ZNF680: variants seen among roughly 807,000 people sequenced by gnomAD.
ZNF680 encodes hypothetical protein FLJ90430.
Under a neutral mutation model 12.1 loss-of-function variants are expected in ZNF680, and 6 were observed. The observed-to-expected ratio is 0.49, with a 90% CI of 0.27 to 0.98. The LOEUF is 0.98. Among genes scored for constraint, ZNF680 ranks in the 50% least tolerant of loss-of-function variants. The pLI is 0.12. For missense variants in ZNF680, 561 were observed against 616.3 expected, an observed-to-expected ratio of 0.91 and a Z score of 0.95; for synonymous variants, 170 against 199.3, an observed-to-expected ratio of 0.85 and a Z score of 1.24.
chr7:64,508,500 T>G, the ZNF680 span, among the ~76,000 whole-genome samples: 3 of 152,300 alleles, frequency 2.0e-5, no homozygotes, highest in Admixed American at 2.0e-4. Context: ...AAATGAGAGC[T>G]AATAAATTTC....
At chr7:64,507,401 G>A in the ZNF680 span, among the ~76,000 whole-genome samples, 101 of 150,368 alleles carry the variant, frequency 6.7e-4, no homozygotes, top group African/African-American at 2.3e-3. Context: ...AATATATTGT[G>A]TATAGTAAAC....
At chr7:64,517,278 T>A (rs138667442), downstream of ZNF680, among the ~76,000 whole-genome samples, 4,673 of 151,986 alleles carry the variant, frequency 0.031, 360 homozygotes, top group East Asian at 0.33. Flanking sequence ...ACAACTGACA[T>A]CACAGAAATA....
chr7:64,560,594 C>G (rs1787679384), intron 1 of ZNF680, among the ~76,000 whole-genome samples: 1 of 152,054 alleles, frequency 6.6e-6, no homozygotes, highest in Admixed American at 6.5e-5. Context: ...GGTGGATCAC[C>G]TGAGATCAAG....
intron 1 of ZNF680, among the ~76,000 whole-genome samples, 195 bp downstream of exon 1, chr7:64,562,730 G>A (rs549629915): frequency 2.0e-5 from 3 of 152,366 alleles, no homozygotes; most frequent in Admixed American, 6.5e-5. Context: ...GAGGAGACAT[G>A]ACGCCCGGGG....
At chr7:64,538,756 T>C (rs1200708510) in intron 3 of ZNF680, among the ~76,000 whole-genome samples, 1 of 152,186 alleles carries the variant, frequency 6.6e-6, no homozygotes, top group Non-Finnish European at 1.5e-5. Context: ...CAATCCCACT[T>C]ATGGATCTAC....
intron 1 of ZNF680, among the ~76,000 whole-genome samples, chr7:64,557,956 CCA>C (rs1016352210): frequency 3.3e-5 from 5 of 152,286 alleles, no homozygotes; most frequent in African/African-American, 1.2e-4. Context: ...AACCCCTATG[CCA>C]CAATTTTGCT....
chr7:64,516,106 A>G (rs2116335506), downstream of ZNF680, among the ~76,000 whole-genome samples: 1 of 152,118 alleles, frequency 6.6e-6, no homozygotes, highest in South Asian at 2.1e-4. Context: ...ATAACCCTGA[A>G]CCCCAGCCTC....
At chr7:64,551,730 G>C (rs965456590) in intron 1 of ZNF680, 1 of 154,202 alleles carries the variant, frequency 6.5e-6, no homozygotes, top group Middle Eastern at 7.8e-4. Flanking sequence ...AATGGCTTCT[G>C]AAACAGACAC....
At chr7:64,555,765 A>C (rs1285449032) in intron 1 of ZNF680, among the ~76,000 whole-genome samples, 5 of 150,252 alleles carry the variant, frequency 3.3e-5, no homozygotes, top group African/African-American at 4.9e-5. Flanking sequence ...AAGATAAACC[A>C]CTAGCTACAA....
chr7:64,499,924 G>A, the ZNF680 span, among the ~76,000 whole-genome samples: 1 of 152,124 alleles, frequency 6.6e-6, no homozygotes, highest in African/African-American at 2.4e-5. Context: ...AGCAGACTGG[G>A]GGGCTGTGCC....
the ZNF680 span, among the ~76,000 whole-genome samples, chr7:64,499,711 T>C: frequency 1.3e-5 from 2 of 151,920 alleles, no homozygotes; most frequent in Non-Finnish European, 2.9e-5. Flanking sequence ...GCCATTGCAC[T>C]CCGGCCTGGG....
At position 64,520,966 on chromosome 7, in the gene ZNF680, A is replaced by C; in HGVS notation, c.*195T>G. The C allele has an allele frequency of 3.6e-6, 2 of 562,822 alleles. No individual in the cohort carries two copies. Among genetic ancestry groups the C allele is most frequent in the Non-Finnish European group, 6.0e-6 (2 of 335,400 alleles). The allele number at this position is 562,822 out of a possible 1,614,324, so 34.9% of individuals were successfully genotyped here. A position where few individuals can be genotyped will look rare whatever the true frequency, so the allele number is the denominator to read the frequency against. ...CTTTATACTTGTACAATCTTTCTCA[A>C]GTAAAAATGCTTTCCTGTGCAATAA... On this transcript the variant is annotated 3_prime_UTR_variant, in exon 4 of 4. Coordinates refer to ENST00000309683, the MANE Select transcript of ZNF680 (RefSeq NM_178558.5).
At chr7:64,518,432 G>A (rs78996287), downstream of ZNF680, among the ~76,000 whole-genome samples, 16 of 151,948 alleles carry the variant, frequency 1.1e-4, no homozygotes, top group African/African-American at 3.6e-4. Flanking sequence ...CGACACAAAC[G>A]AATGGAAACA....
the ZNF680 span, among the ~76,000 whole-genome samples, chr7:64,508,118 A>T: frequency 1.3e-5 from 1 of 79,728 alleles, no homozygotes; most frequent in Non-Finnish European, 2.2e-5. Flanking sequence ...TATATATTTT[A>T]AAATGTATAT....
intron 1 of ZNF680, among the ~76,000 whole-genome samples, chr7:64,558,761 GT>G (rs1787558363): frequency 6.7e-6 from 1 of 149,148 alleles, no homozygotes; most frequent in Non-Finnish European, 1.5e-5. Flanking sequence ...AGATTGCAAA[GT>G]TTAGGCAGAA....
the ZNF680 span, chr7:64,501,587 T>A: frequency 2.4e-4 from 179 of 756,138 alleles, 1 homozygote; most frequent in Admixed American, 3.1e-3. Context: ...GGGGCGCAGA[T>A]GACTCTGCTG....
At chr7:64,562,729 T>G (rs1358482339) in intron 1 of ZNF680, among the ~76,000 whole-genome samples, 196 bp downstream of exon 1, 1 of 152,180 alleles carries the variant, frequency 6.6e-6, no homozygotes, top group Non-Finnish European at 1.5e-5. Context: ...GGAGGAGACA[T>G]GACGCCCGGG....
chr7:64,514,312 T>A, the ZNF680 span, among the ~76,000 whole-genome samples: 1 of 152,230 alleles, frequency 6.6e-6, no homozygotes, highest in Non-Finnish European at 1.5e-5. Flanking sequence ...TATCTAAGAT[T>A]CTAATGTCTA....
the ZNF680 span, among the ~76,000 whole-genome samples, chr7:64,508,147 A>ATATATATATATATATATATATATATATAT: frequency 4.4e-5 from 6 of 135,364 alleles, no homozygotes; most frequent in African/African-American, 1.2e-4. Flanking sequence ...ATATATACAT[A>ATATATATATATATATATATATATATATAT]ATTTTTTTTT....
Sources: gnomAD v4.1 joint callset for allele counts (sites outside exome capture counted in the v4.1 genomes callset) on GRCh38, gnomAD v4.1.1 for gene constraint, MANE v1.5 for transcripts, NCBI Gene and HGNC (gene_info 2026-07-23, HGNC 2026-07-21) for gene names.